The following MAP2K5 variants were observed in gnomAD, a reference collection of about 807,000 sequenced individuals.
MAP2K5 encodes the protein dual specificity mitogen-activated protein kinase kinase 5.
In MAP2K5, 49 loss-of-function variants were observed where a neutral mutation model predicts 83.1. The observed-to-expected ratio is 0.59, with a 90% CI of 0.47 to 0.75. The LOEUF (loss-of-function observed/expected upper bound fraction) is 0.75, where lower values mean the gene tolerates loss of function less well. Among genes scored for constraint, MAP2K5 ranks in the 30% least tolerant of loss-of-function variants. The pLI is 0.00. For missense variants in MAP2K5, 457 were observed against 557.5 expected, an observed-to-expected ratio of 0.82 and a Z score of 1.82; for synonymous variants, 202 against 191.8, an observed-to-expected ratio of 1.05 and a Z score of -0.44.
At chr15:67,620,640 G>A (rs528836476) in intron 8 of MAP2K5, among the ~76,000 whole-genome samples, 15 of 152,232 alleles carry the variant, frequency 9.9e-5, no homozygotes, top group African/African-American at 3.4e-4. Flanking sequence ...ATAAGACAAC[G>A]ATAGTAATAA....
chr15:67,679,434 C>T (rs532383958), intron 13 of MAP2K5, among the ~76,000 whole-genome samples: 5 of 152,130 alleles, frequency 3.3e-5, no homozygotes, highest in East Asian at 1.9e-4. Context: ...CAGCTACTTG[C>T]GGTTATTGAG....
At chr15:67,575,346 T>G (rs568992761) in intron 3 of MAP2K5, among the ~76,000 whole-genome samples, 1 of 136,840 alleles carries the variant, frequency 7.3e-6, no homozygotes, top group African/African-American at 2.8e-5. Context: ...GTTGGAGAAG[T>G]AGGAAAACCC....
At chr15:67,628,012 G>C (rs1252226171) in intron 8 of MAP2K5, 38 of 745,134 alleles carry the variant, frequency 5.1e-5, no homozygotes, top group Non-Finnish European at 7.1e-5. Context: ...AAGTGCTCCT[G>C]GGGCTTTGGG....
chr15:67,728,728 C>G (rs148829078), intron 17 of MAP2K5, among the ~76,000 whole-genome samples: 34 of 152,348 alleles, frequency 2.2e-4, no homozygotes, highest in Admixed American at 1.4e-3. Flanking sequence ...GTGTTGGTCT[C>G]TGCTCTTTAA....
In MAP2K5 at chr15:67,727,834, T is replaced by C. The variant is rs1462181239; in HGVS notation, c.1045-82T>C. The C allele has an allele frequency of 2.6e-5, 26 of 1,006,382 alleles. No individual in the cohort carries two copies. The East Asian group carries it at 5.7e-4, about 22-fold the overall frequency. 62.3% of individuals were successfully genotyped at this position (1,006,382 alleles called of 1,614,324 possible). On this transcript the variant is annotated intron_variant, in intron 16 of 21. Transcript: ENST00000178640. Reference sequence around the variant, plus strand: ...TTTTTATATTTGCTGGATGCAGTTCTGAAATTTAGTACTTGTCTGTCTTAA... The same window carrying C: ...TTTTTATATTTGCTGGATGCAGTTCCGAAATTTAGTACTTGTCTGTCTTAA...
Position 67,668,686 on chromosome 15 carries a change from T to C in MAP2K5, c.847+4041T>C, listed in dbSNP as rs1189660625. On this transcript the variant is annotated intron_variant, in intron 13 of 21. Coordinates refer to ENST00000178640, the MANE Select transcript of MAP2K5 (RefSeq NM_145160.3). This position sits in a 1 kb window ranked among gnomAD's most constrained non-coding sequence, Gnocchi z 4.0. ...TTCTTGGGAAGATGTGAGAATGCCCTGGTAGTAACTGCTGTCTCTTTCCCT... is the reference window on the plus strand; with the variant it reads ...TTCTTGGGAAGATGTGAGAATGCCCCGGTAGTAACTGCTGTCTCTTTCCCT... 6.6e-6 allele frequency among the ~76,000 whole-genome samples: 1 copy of C among 152,120 alleles called. No homozygotes were observed. The highest frequency in any genetic ancestry group is 2.4e-5 in the African/African-American group (1 of 41,444).
At chr15:67,664,333 CAAAA>C (rs11395465) in intron 12 of MAP2K5, among the ~76,000 whole-genome samples, 1 of 74,088 alleles carries the variant, frequency 1.3e-5, no homozygotes, top group Non-Finnish European at 2.4e-5. Flanking sequence ...CTGTTTCTAC[CAAAA>C]AAAAAAAAAA....
chr15:67,548,947 T>A, intron 1 of MAP2K5: 7 of 1,152,488 alleles, frequency 6.1e-6, no homozygotes, highest in Non-Finnish European at 8.2e-6. Context: ...GGCAAGACTA[T>A]TATGCAAATT....
chr15:67,557,385 T>C (rs766197772), intron 2 of MAP2K5, among the ~76,000 whole-genome samples: 1 of 152,242 alleles, frequency 6.6e-6, no homozygotes, highest in Non-Finnish European at 1.5e-5. Context: ...ATTACACTCA[T>C]GTATTCTAAT....
intron 11 of MAP2K5, among the ~76,000 whole-genome samples, chr15:67,647,149 A>G (rs1596716238): frequency 1.3e-5 from 2 of 152,192 alleles, no homozygotes; most frequent in Admixed American, 6.5e-5. Context: ...TTAAAACACA[A>G]CTTAAGAAAA....
Position 67,738,053 on chromosome 15 carries a change from T to C in MAP2K5, c.1074+10108T>C, listed in dbSNP as rs186486828. Among the ~76,000 whole-genome samples, 53 of 152,020 alleles carry C rather than the reference T, an allele frequency of 3.5e-4. No homozygotes were observed. In the East Asian group the frequency reaches 0.01, roughly 29 times the overall value. ...TTTTAATAGAGATGAGATTTCGCCATGTTGGCCAGGCTGGTCTCGAACTCC... is the reference window on the plus strand; with the variant it reads ...TTTTAATAGAGATGAGATTTCGCCACGTTGGCCAGGCTGGTCTCGAACTCC... On this transcript the variant is annotated intron_variant, in intron 17 of 21. Transcript: ENST00000178640. The surrounding 1 kb of genome is among the most constrained non-coding windows in gnomAD (Gnocchi z 4.1).
At position 67,783,816 on chromosome 15, in the gene MAP2K5, C is replaced by G. The variant is rs1025224916; in HGVS notation, c.1242+11064C>G. On this transcript the variant is annotated intron_variant, in intron 21 of 21. Coordinates refer to ENST00000178640, the MANE Select transcript of MAP2K5 (RefSeq NM_145160.3). The surrounding 1 kb of genome is among the most constrained non-coding windows in gnomAD (Gnocchi z 5.1). ...AATGGAGTGACAGGTGAGCTGGGACCCACGGACATTTGGGTATTTATGTGA... is the reference window on the plus strand; with the variant it reads ...AATGGAGTGACAGGTGAGCTGGGACGCACGGACATTTGGGTATTTATGTGA... Among the ~76,000 whole-genome samples, 2 of 152,070 alleles carry G rather than the reference C, an allele frequency of 1.3e-5. No homozygotes were observed. The highest frequency in any genetic ancestry group is 2.9e-5 in the Non-Finnish European group (2 of 68,000).
rs557273663 is a variant in MAP2K5, at chr15:67,676,965, A to G, written c.847+12320A>G. Among the ~76,000 whole-genome samples, 2 of 152,366 alleles carry G rather than the reference A, an allele frequency of 1.3e-5. No individual in the cohort carries two copies. Among genetic ancestry groups the G allele is most frequent in the African/African-American group, 2.4e-5 (1 of 41,588 alleles). On this transcript the variant is annotated intron_variant, in intron 13 of 21. Transcript: ENST00000178640. The surrounding 1 kb of genome is among the most constrained non-coding windows in gnomAD (Gnocchi z 4.8). ...TTGAGGTCATAGCATTGTACCTGGC[A>G]TATAACAGCTATTATTATGTCAAAT... is the stretch of plus-strand genomic sequence containing the variant.
At chr15:67,597,191 A>T (rs1237808192) in intron 7 of MAP2K5, among the ~76,000 whole-genome samples, 2 of 151,796 alleles carry the variant, frequency 1.3e-5, no homozygotes, top group Non-Finnish European at 2.9e-5. Context: ...AAAAAGAAAA[A>T]AAAAAACTAC....
At position 67,760,173 on chromosome 15, in the gene MAP2K5, G is replaced by GT. The variant is rs1174108447; in HGVS notation, c.1135-9426dup. Among the ~76,000 whole-genome samples the GT allele has an allele frequency of 2.6e-5, 4 of 152,164 alleles. No homozygotes were observed. The highest frequency in any genetic ancestry group is 9.7e-5 in the African/African-American group (4 of 41,444). Reference sequence around the variant, plus strand: ...ATTACTTTTTCTATTGGTAATAACTGTTTCTTTAGAAATGACATTAACATT... The same window carrying GT: ...ATTACTTTTTCTATTGGTAATAACTGTTTTCTTTAGAAATGACATTAACATT... On this transcript the variant is annotated intron_variant, in intron 19 of 21. Coordinates refer to ENST00000178640, the MANE Select transcript of MAP2K5 (RefSeq NM_145160.3). This position sits in a 1 kb window ranked among gnomAD's most constrained non-coding sequence, Gnocchi z 4.1.
At chr15:67,707,062 C>T (rs989948290) in intron 16 of MAP2K5, among the ~76,000 whole-genome samples, 8 of 152,128 alleles carry the variant, frequency 5.3e-5, no homozygotes, top group African/African-American at 1.7e-4. Flanking sequence ...ACTACAAGCG[C>T]GTGCCACCAT....
At chr15:67,765,345 G>A (rs1027056854) in intron 19 of MAP2K5, among the ~76,000 whole-genome samples, 11 of 150,364 alleles carry the variant, frequency 7.3e-5, no homozygotes, top group African/African-American at 2.5e-4. Context: ...GTGACAGAGC[G>A]AGACTCCATC....
chr15:67,653,295 T>G (rs2086993679), intron 11 of MAP2K5, among the ~76,000 whole-genome samples: 1 of 152,042 alleles, frequency 6.6e-6, no homozygotes, highest in African/African-American at 2.4e-5. Context: ...ATATTTTTTT[T>G]TTTTTTTGAG....
intron 1 of MAP2K5, 117 bp from the exon 2 acceptor site, chr15:67,549,917 A>T: frequency 1.4e-6 from 1 of 729,582 alleles, no homozygotes; most frequent in Non-Finnish European, 2.5e-6. Context: ...ATGTTTTTAT[A>T]GTTTATGCTA....
Sources: gnomAD v4.1 joint callset for allele counts (sites outside exome capture counted in the v4.1 genomes callset) on GRCh38, gnomAD v4.1.1 for gene constraint, Gnocchi (gnomAD v3.1) non-coding constraint, MANE v1.5 for transcripts, NCBI Gene and HGNC (gene_info 2026-07-23, HGNC 2026-07-21) for gene names.